Variants in KCNIP3 observed in about 807,000 individuals in gnomAD.
KCNIP3 encodes potassium voltage-gated channel interacting protein 3.
In KCNIP3, 28 loss-of-function variants were observed where a neutral mutation model predicts 35.0. That is an observed-to-expected ratio of 0.80 (90% CI 0.59 to 1.10). KCNIP3 has a LOEUF of 1.10. KCNIP3 is among the 50% of genes least tolerant of loss of function. KCNIP3 has a pLI of 0.00. For synonymous variants in KCNIP3, 134 were observed against 133.8 expected (o/e 1.00, Z -0.01); for missense variants, 295 against 338.4 (o/e 0.87, Z 1.01).
intron 1 of KCNIP3, among the ~76,000 whole-genome samples, chr2:95,306,161 C>G (rs1678160809): frequency 6.6e-6 from 1 of 152,174 alleles, no homozygotes. Flanking sequence ...TTTCAGTTGT[C>G]ATTATCTTTG....
chr2:95,355,021 A>T (rs539844355), intron 2 of KCNIP3: 1 of 152,258 alleles, frequency 6.6e-6, no homozygotes, highest in African/African-American at 2.4e-5. Flanking sequence ...GCATATCCCA[A>T]TCTTGTCCTC....
At chr2:95,312,359 T>C (rs1319136311) in intron 2 of KCNIP3, 2 of 152,062 alleles carry the variant, frequency 1.3e-5, no homozygotes, top group Non-Finnish European at 2.9e-5. Flanking sequence ...CGGCATGGCG[T>C]GTTCAAGTCA....
chr2:95,322,038 C>A (rs1678609494), intron 2 of KCNIP3, among the ~76,000 whole-genome samples: 1 of 152,102 alleles, frequency 6.6e-6, no homozygotes, highest in South Asian at 2.1e-4. Context: ...CCTCTCTGAG[C>A]CTCAGTTTCC....
chr2:95,325,237 T>G (rs1479451419), intron 2 of KCNIP3, among the ~76,000 whole-genome samples: 1 of 152,194 alleles, frequency 6.6e-6, no homozygotes, highest in Non-Finnish European at 1.5e-5. Context: ...GGCCTGAGCA[T>G]TGACCGGAAT....
intron 2 of KCNIP3, among the ~76,000 whole-genome samples, chr2:95,317,759 G>A (rs898993894): frequency 2.6e-5 from 4 of 152,212 alleles, no homozygotes; most frequent in African/African-American, 9.7e-5. Context: ...GGAGGTCAGG[G>A]AGCAGGCTTG....
intron 2 of KCNIP3, among the ~76,000 whole-genome samples, chr2:95,369,529 C>T (rs1679993051): frequency 6.6e-6 from 1 of 152,064 alleles, no homozygotes; most frequent in South Asian, 2.1e-4. Flanking sequence ...TCATAATATC[C>T]CCTTTTTATC....
At chr2:95,359,436 G>A (rs1232873988) in intron 2 of KCNIP3, among the ~76,000 whole-genome samples, 1 of 152,202 alleles carries the variant, frequency 6.6e-6, no homozygotes, top group African/African-American at 2.4e-5. Context: ...TGAGACTCGG[G>A]AATAATGTTC....
At chr2:95,306,397 G>C (rs1184905976) in intron 1 of KCNIP3, among the ~76,000 whole-genome samples, 2 of 152,174 alleles carry the variant, frequency 1.3e-5, no homozygotes, top group Non-Finnish European at 1.5e-5. Context: ...GCTGTGTCAC[G>C]AGGAAAAGCA....
chr2:95,323,570 G>T (rs1678648363), intron 2 of KCNIP3, among the ~76,000 whole-genome samples: 1 of 152,074 alleles, frequency 6.6e-6, no homozygotes, highest in Admixed American at 6.5e-5. Context: ...GGGGTAGCAG[G>T]TGCCAACGCG....
At chr2:95,339,322 G>C (rs1043183617) in intron 2 of KCNIP3, among the ~76,000 whole-genome samples, 1 of 152,184 alleles carries the variant, frequency 6.6e-6, no homozygotes, top group Admixed American at 6.5e-5. Flanking sequence ...GCTCACACCT[G>C]TAATCTCAGC....
intron 2 of KCNIP3, among the ~76,000 whole-genome samples, chr2:95,352,428 G>A (rs972653658): frequency 2.0e-5 from 3 of 152,092 alleles, no homozygotes; most frequent in Non-Finnish European, 2.9e-5. Flanking sequence ...GAGTGACCCT[G>A]GGGTCAGAGG....
chr2:95,336,842 C>A (rs1427206529), intron 2 of KCNIP3, among the ~76,000 whole-genome samples: 2 of 152,268 alleles, frequency 1.3e-5, no homozygotes, highest in East Asian at 3.9e-4. Flanking sequence ...TCTGAGGTCT[C>A]AACAGAAAGC....
chr2:95,317,995 A>G (rs1678500686), intron 2 of KCNIP3, among the ~76,000 whole-genome samples: 1 of 151,298 alleles, frequency 6.6e-6, no homozygotes. Context: ...GGATGGGGCT[A>G]CAGAAGGGAC....
intron 1 of KCNIP3, among the ~76,000 whole-genome samples, chr2:95,308,966 G>A (rs975662046): frequency 2.6e-5 from 4 of 152,242 alleles, no homozygotes; most frequent in African/African-American, 9.6e-5. Flanking sequence ...TGTGACCTGG[G>A]AAGGGTATGG....
At chr2:95,305,689 T>A (rs1207270619) in intron 1 of KCNIP3, among the ~76,000 whole-genome samples, 1 of 152,170 alleles carries the variant, frequency 6.6e-6, no homozygotes, top group Non-Finnish European at 1.5e-5. Context: ...GGCCCTCTAA[T>A]CTGTTCTCCA....
Position 95,349,765 on chromosome 2 carries a change from C to G in KCNIP3, c.182-24531C>G, listed in dbSNP as rs541920551. Reference sequence around the variant, plus strand: ...GTCTGCTTAATTAGGATTCCTCCTTCCCTGGTGACCTACGGGATATCAGAG... The same window carrying G: ...GTCTGCTTAATTAGGATTCCTCCTTGCCTGGTGACCTACGGGATATCAGAG... On this transcript the variant is annotated intron_variant, in intron 2 of 8. Transcript: ENST00000295225. Among the ~76,000 whole-genome samples the G allele has an allele frequency of 2.6e-5, 4 of 152,374 alleles. No individual in the cohort carries two copies. In the South Asian group the frequency reaches 8.3e-4, roughly 32 times the overall value.
intron 2 of KCNIP3, among the ~76,000 whole-genome samples, chr2:95,347,631 C>T (rs1679410205): frequency 6.6e-6 from 1 of 152,244 alleles, no homozygotes; most frequent in Non-Finnish European, 1.5e-5. Flanking sequence ...GCAGGCGCCA[C>T]ATTTCTGTCT....
Position 95,382,428 on chromosome 2 carries a change from T to C in KCNIP3, c.607T>C (p.Tyr203His), listed in dbSNP as rs562755164. ...SIYDMMGRHT[Y>H]PILREDAPAE... is the part of the protein sequence containing the mutation. ...CTATGACATGATGGGCCGCCACACC[T>C]ACCCCATCCTGCGGGAGGACGCGCC... The change falls in exon 7 of 9, where the codon TAC (tyrosine) becomes CAC (histidine). Residue 203 changes from tyrosine to histidine, a missense_variant. By Grantham distance (83) the Tyr-to-His change is moderately conservative. Transcript: ENST00000295225. The surrounding 1 kb of genome is among the most constrained non-coding windows in gnomAD (Gnocchi z 4.5). 3 of 1,609,258 alleles carry C rather than the reference T, an allele frequency of 1.9e-6. No homozygotes were observed. Among genetic ancestry groups the C allele is most frequent in the East Asian group, 2.3e-5 (1 of 44,384 alleles).
chr2:95,317,400 G>T (rs914622264), intron 2 of KCNIP3, among the ~76,000 whole-genome samples: 1 of 152,170 alleles, frequency 6.6e-6, no homozygotes, highest in East Asian at 1.9e-4. Context: ...AGTGAGCTCC[G>T]GGGGCCTGGA....
Sources: allele counts gnomAD v4.1 joint callset (sites outside exome capture counted in the v4.1 genomes callset), GRCh38; gene constraint gnomAD v4.1.1; non-coding constraint Gnocchi (gnomAD v3.1); transcripts MANE v1.5; gene names NCBI Gene and HGNC (gene_info 2026-07-23, HGNC 2026-07-21).